SLC5A4: variants seen among roughly 807,000 people sequenced by gnomAD.
SLC5A4 encodes solute carrier family 5 member 4.
A neutral mutation model predicts 70.3 loss-of-function variants in SLC5A4; 55 were observed. That is an observed-to-expected ratio of 0.78 (90% CI 0.63 to 0.98). SLC5A4 has a LOEUF of 0.98. Ranked by LOEUF, SLC5A4 falls within the 50% of genes least tolerant of loss-of-function variation. The probability of loss-of-function intolerance (pLI) is 0.00; values close to 1 mark genes in which losing one functional copy is unlikely to be tolerated. For synonymous variants in SLC5A4, 268 were observed against 305.7 expected (o/e 0.88, Z 1.29); for missense variants, 735 against 839.2 (o/e 0.88, Z 1.53).
intron 14 of SLC5A4, among the ~76,000 whole-genome samples, chr22:32,219,630 C>CAAAAAAAA: frequency 9.0e-3 from 260 of 28,812 alleles, no homozygotes; most frequent in Middle Eastern, 0.05. Flanking sequence ...TCCAACTTAG[C>CAAAAAAAA]AAAAAAAAAA....
At chr22:32,225,116 A>C (rs961901129) in intron 12 of SLC5A4, among the ~76,000 whole-genome samples, 1 of 152,248 alleles carries the variant, frequency 6.6e-6, no homozygotes, top group Admixed American at 6.5e-5. Context: ...GAAAATCATA[A>C]TAGTAAGGCT....
At chr22:32,266,406 AT>A in the SLC5A4 span, among the ~76,000 whole-genome samples, 2 of 152,180 alleles carry the variant, frequency 1.3e-5, no homozygotes, top group African/African-American at 2.4e-5. Flanking sequence ...TAGTTTCACT[AT>A]TACTTCATTT....
At chr22:32,333,203 C>CG in the SLC5A4 span, among the ~76,000 whole-genome samples, 57 of 149,116 alleles carry the variant, frequency 3.8e-4, no homozygotes, top group African/African-American at 1.2e-3. Flanking sequence ...GGCACCCCCC[C>CG]CCCAGAAGAC....
intron 9 of SLC5A4, among the ~76,000 whole-genome samples, chr22:32,232,500 C>T (rs1381339663): frequency 6.6e-6 from 1 of 152,138 alleles, no homozygotes; most frequent in Non-Finnish European, 1.5e-5. Context: ...ATTCAGTTCT[C>T]CAGTTTTCTC....
chr22:32,239,649 T>C lies in SLC5A4; in HGVS notation c.478-559A>G, dbSNP rs1209400036. 3.0e-5 allele frequency among the ~76,000 whole-genome samples: 4 copies of C among 133,418 alleles called. No homozygotes were observed. In the East Asian group the frequency reaches 9.1e-4, roughly 30 times the overall value. The allele number at this position is 133,418 out of a possible 152,430, so 87.5% of individuals were successfully genotyped here. A position where few individuals can be genotyped will look rare whatever the true frequency, so the allele number is the denominator to read the frequency against. On this transcript the variant is annotated intron_variant, in intron 5 of 14. Coordinates refer to ENST00000266086, the MANE Select transcript of SLC5A4 (RefSeq NM_014227.3). ...AAATATATATAATATATATATTATA[T>C]TGTGTGTTTTATGTACTATAAAATT...
chr22:32,298,309 C>G, the SLC5A4 span, among the ~76,000 whole-genome samples: 1 of 139,506 alleles, frequency 7.2e-6, no homozygotes, highest in Non-Finnish European at 1.5e-5. Context: ...GTAGGTCACT[C>G]AGGACTTGCT....
the SLC5A4 span, among the ~76,000 whole-genome samples, chr22:32,305,841 C>G: frequency 1.3e-5 from 2 of 151,370 alleles, no homozygotes; most frequent in African/African-American, 4.9e-5. Flanking sequence ...TGTCCCCCCA[C>G]CCCCCACGTG....
the SLC5A4 span, chr22:32,271,857 G>A: frequency 3.3e-6 from 2 of 605,850 alleles, no homozygotes; most frequent in Non-Finnish European, 6.4e-6. Context: ...CCGCTGTGCT[G>A]CACGGTCCAC....
chr22:32,262,548 C>G, the SLC5A4 span, among the ~76,000 whole-genome samples: 50 of 152,292 alleles, frequency 3.3e-4, 1 homozygote, highest in African/African-American at 1.2e-3. Context: ...AAGGGCTCTT[C>G]TTTATCGACA....
chr22:32,338,871 G>C, the SLC5A4 span, among the ~76,000 whole-genome samples: 4 of 152,170 alleles, frequency 2.6e-5, no homozygotes, highest in Non-Finnish European at 4.4e-5. Flanking sequence ...TCCAGAAAAG[G>C]AAAGGCCACA....
the SLC5A4 span, among the ~76,000 whole-genome samples, chr22:32,323,839 T>C: frequency 6.6e-6 from 1 of 152,206 alleles, no homozygotes; most frequent in East Asian, 1.9e-4. Context: ...ATGGTGGCCC[T>C]TCTGGGATAA....
chr22:32,247,535 C>A lies in SLC5A4; in HGVS notation c.373-20G>T. On this transcript the variant is annotated intron_variant, in intron 4 of 14. Coordinates refer to ENST00000266086, the MANE Select transcript of SLC5A4 (RefSeq NM_014227.3). ...CATCACCTGCAGAGACAGACATTGA[C>A]AGGGACTTAACTTACCCTTAGGGCC... The A allele has an allele frequency of 6.5e-7, 1 of 1,543,286 alleles. No homozygotes were observed. The highest frequency in any genetic ancestry group is 9.0e-7 in the Non-Finnish European group (1 of 1,115,322).
chr22:32,343,078 C>T, the SLC5A4 span: 7 of 152,192 alleles, frequency 4.6e-5, no homozygotes, highest in African/African-American at 1.4e-4. Context: ...CCTTCTAATA[C>T]TCTCTCATGC....
At chr22:32,291,437 A>C in the SLC5A4 span, among the ~76,000 whole-genome samples, 7 of 152,136 alleles carry the variant, frequency 4.6e-5, no homozygotes, top group East Asian at 1.4e-3. Flanking sequence ...TTGGCCTCCC[A>C]AAGTGCTGGG....
the SLC5A4 span, among the ~76,000 whole-genome samples, chr22:32,329,260 G>C: frequency 6.6e-6 from 1 of 152,134 alleles, no homozygotes; most frequent in African/African-American, 2.4e-5. Flanking sequence ...GCCTTAGCTC[G>C]AAGTCACCAT....
the SLC5A4 span, chr22:32,272,599 G>C: frequency 1.6e-6 from 1 of 616,218 alleles, no homozygotes; most frequent in Non-Finnish European, 3.0e-6. Flanking sequence ...ACCCAGCTGG[G>C]TTTTCTGGTG....
At chr22:32,339,215 G>C in the SLC5A4 span, among the ~76,000 whole-genome samples, 2 of 152,226 alleles carry the variant, frequency 1.3e-5, no homozygotes, top group East Asian at 1.9e-4. Flanking sequence ...AGTGGGATCC[G>C]TAGCGGCTTT....
At chr22:32,301,570 ATTG>A in the SLC5A4 span, among the ~76,000 whole-genome samples, 1 of 152,242 alleles carries the variant, frequency 6.6e-6, no homozygotes, top group Non-Finnish European at 1.5e-5. Flanking sequence ...AATACTTAAT[ATTG>A]TTAATGTGAC....
At chr22:32,237,110 G>A (rs1049563010) in intron 7 of SLC5A4, 134 bp downstream of exon 7, 1 of 683,556 alleles carries the variant, frequency 1.5e-6, no homozygotes, top group Admixed American at 2.3e-5. Context: ...TTTCAGTGAT[G>A]GGGATTATGT....
Sources: allele counts gnomAD v4.1 joint callset (sites outside exome capture counted in the v4.1 genomes callset), GRCh38; gene constraint gnomAD v4.1.1; transcripts MANE v1.5; gene names NCBI Gene and HGNC (gene_info 2026-07-23, HGNC 2026-07-21).